NRG3: variants seen among roughly 807,000 people sequenced by gnomAD.
The protein encoded by NRG3 is pro-neuregulin-3, membrane-bound isoform.
Under a neutral mutation model 66.9 loss-of-function variants are expected in NRG3, and 31 were observed. The ratio of observed to expected loss-of-function variants is 0.46; its 90% CI spans 0.35 to 0.63. The LOEUF is 0.63. Among genes scored for constraint, NRG3 ranks in the 20% least tolerant of loss-of-function variants. The pLI is 0.00. For synonymous variants in NRG3, 393 were observed against 359.4 expected, an observed-to-expected ratio of 1.09 and a Z score of -1.06; for missense variants, 910 against 878.9, an observed-to-expected ratio of 1.04 and a Z score of -0.45.
rs185433563 is a variant in NRG3, at chr10:81,885,896, A to T, written c.823+9733A>T. ...GGTGGAAAAATCTAGAGACACCAGA[A>T]TTTTTTAAAAAATGGGCTGTAGAAA... On this transcript the variant is annotated intron_variant, in intron 1 of 8. Transcript: ENST00000372141. Among the ~76,000 whole-genome samples the T allele has an allele frequency of 3.9e-4, 60 of 152,264 alleles. No homozygotes were observed. The East Asian group carries it at 0.011, about 28-fold the overall frequency.
intron 1 of NRG3, among the ~76,000 whole-genome samples, chr10:82,349,017 C>G (rs2083224091): frequency 6.6e-6 from 1 of 152,096 alleles, no homozygotes; most frequent in Non-Finnish European, 1.5e-5. Flanking sequence ...GTTTGAATGT[C>G]CTCCTGTAGC....
intron 1 of NRG3, among the ~76,000 whole-genome samples, chr10:82,215,486 C>G (rs962541421): frequency 1.3e-5 from 2 of 152,076 alleles, no homozygotes; most frequent in African/African-American, 2.4e-5. Flanking sequence ...TGCTACAAGT[C>G]TGATTAATAT....
At chr10:81,958,558 T>A (rs569819876) in intron 1 of NRG3, among the ~76,000 whole-genome samples, 2 of 151,664 alleles carry the variant, frequency 1.3e-5, no homozygotes, top group East Asian at 3.9e-4. Flanking sequence ...TGGGGAGGAG[T>A]GAAAAAATTT....
At chr10:81,882,678 C>T (rs1481414966) in intron 1 of NRG3, among the ~76,000 whole-genome samples, 1 of 152,172 alleles carries the variant, frequency 6.6e-6, no homozygotes, top group Non-Finnish European at 1.5e-5. Flanking sequence ...TGGTTATTTT[C>T]ATCCAAGAGC....
At chr10:82,498,382 G>A (rs779305254) in intron 2 of NRG3, among the ~76,000 whole-genome samples, 8 of 151,966 alleles carry the variant, frequency 5.3e-5, no homozygotes, top group Non-Finnish European at 1.2e-4. Context: ...ATATGAACTC[G>A]CAGGAAGCAG....
At chr10:82,892,044 T>C (rs1043861120) in intron 4 of NRG3, among the ~76,000 whole-genome samples, 3 of 152,164 alleles carry the variant, frequency 2.0e-5, no homozygotes, top group Non-Finnish European at 4.4e-5. Context: ...GTTATTGTAA[T>C]AGTAAAATTG....
At chr10:82,199,172 G>GGA (rs2074628724) in intron 1 of NRG3, among the ~76,000 whole-genome samples, 1 of 106,578 alleles carries the variant, frequency 9.4e-6, no homozygotes, top group East Asian at 2.4e-4. Flanking sequence ...ACTCTGTCCG[G>GGA]AAAAAAAAAA....
At chr10:81,995,870 G>A (rs2060922500) in intron 1 of NRG3, among the ~76,000 whole-genome samples, 1 of 152,022 alleles carries the variant, frequency 6.6e-6, no homozygotes, top group African/African-American at 2.4e-5. Flanking sequence ...TGTTTTGTTT[G>A]TTTGTTTTGT....
chr10:82,459,445 C>G (rs2136694399), intron 2 of NRG3, among the ~76,000 whole-genome samples: 1 of 152,302 alleles, frequency 6.6e-6, no homozygotes, highest in South Asian at 2.1e-4. Context: ...CACTGAGCAA[C>G]TATTGCATGT....
intron 3 of NRG3, among the ~76,000 whole-genome samples, chr10:82,798,944 C>T (rs1448875805): frequency 1.3e-5 from 2 of 152,108 alleles, no homozygotes; most frequent in Non-Finnish European, 2.9e-5. Context: ...TGGTAGGTCA[C>T]ACAGAGGCTC....
At chr10:82,373,596 C>A (rs1191226852) in intron 2 of NRG3, among the ~76,000 whole-genome samples, 1 of 152,098 alleles carries the variant, frequency 6.6e-6, no homozygotes, top group Non-Finnish European at 1.5e-5. Flanking sequence ...CATTCTGCAG[C>A]AGTTATGAAA....
intron 1 of NRG3, among the ~76,000 whole-genome samples, chr10:82,283,397 G>A (rs1371316487): frequency 6.6e-6 from 1 of 152,156 alleles, no homozygotes; most frequent in Non-Finnish European, 1.5e-5. Context: ...TGCTCTGGCA[G>A]TACACAGAGT....
chr10:82,972,885 A>G (rs1851900309), intron 6 of NRG3, among the ~76,000 whole-genome samples: 1 of 152,190 alleles, frequency 6.6e-6, no homozygotes, highest in African/African-American at 2.4e-5. Context: ...AAAAAGGTAT[A>G]CTGAGTTTTA....
intron 2 of NRG3, among the ~76,000 whole-genome samples, chr10:82,564,571 A>G (rs1164008039): frequency 6.6e-6 from 1 of 152,148 alleles, no homozygotes; most frequent in Non-Finnish European, 1.5e-5. Flanking sequence ...TTCAGGCTCA[A>G]CATTTCTCAG....
At chr10:82,856,075 T>C (rs890662665) in intron 3 of NRG3, among the ~76,000 whole-genome samples, 4 of 152,184 alleles carry the variant, frequency 2.6e-5, no homozygotes, top group Admixed American at 6.5e-5. Context: ...TTTTTCAATA[T>C]TGAATGAGTT....
intron 3 of NRG3, among the ~76,000 whole-genome samples, chr10:82,776,451 C>T (rs1322374153): frequency 6.6e-6 from 1 of 152,270 alleles, no homozygotes; most frequent in East Asian, 1.9e-4. Flanking sequence ...CTTCATGGAT[C>T]TGTATGTTCA....
At chr10:82,424,025 TTTA>T (rs1418642553) in intron 2 of NRG3, among the ~76,000 whole-genome samples, 1 of 152,084 alleles carries the variant, frequency 6.6e-6, no homozygotes, top group African/African-American at 2.4e-5. Context: ...TCAGATTTTC[TTTA>T]TTCATTCATC....
intron 1 of NRG3, among the ~76,000 whole-genome samples, chr10:82,100,378 T>C (rs1285969804): frequency 1.3e-5 from 2 of 152,130 alleles, no homozygotes; most frequent in Non-Finnish European, 1.5e-5. Flanking sequence ...CTTCCTTTTT[T>C]TCAGCCTTTT....
At chr10:82,862,137 A>G (rs1221084104) in intron 3 of NRG3, among the ~76,000 whole-genome samples, 1 of 152,206 alleles carries the variant, frequency 6.6e-6, no homozygotes, top group East Asian at 1.9e-4. Context: ...TTGCACCCTC[A>G]GGCATCAACA....
Sources: gnomAD v4.1 joint callset for allele counts (sites outside exome capture counted in the v4.1 genomes callset) on GRCh38, gnomAD v4.1.1 for gene constraint, MANE v1.5 for transcripts, NCBI Gene and HGNC (gene_info 2026-07-23, HGNC 2026-07-21) for gene names.